Variants in BRF1 observed in about 807,000 individuals in gnomAD.
BRF1 encodes transcription factor IIIB 90 kDa subunit.
Under a neutral mutation model 81.7 loss-of-function variants are expected in BRF1, and 59 were observed. That is an observed-to-expected ratio of 0.72 (90% CI 0.59 to 0.90). BRF1 has a LOEUF of 0.90. BRF1 is among the 40% of genes least tolerant of loss of function. The probability of loss-of-function intolerance (pLI) is 0.00; values close to 1 mark genes in which losing one functional copy is unlikely to be tolerated. For missense variants in BRF1, 1,050 were observed against 936.3 expected (o/e 1.12, Z -1.58); for synonymous variants, 491 against 395.6 (o/e 1.24, Z -2.86).
In BRF1 at chr14:105,307,044, CTTTTTTTCTT is replaced by C. The variant is rs959639505; in HGVS notation, c.-162+8268_-162+8277del. Among the ~76,000 whole-genome samples, 295 of 151,638 alleles carry C rather than the reference CTTTTTTTCTT, an allele frequency of 1.9e-3. 1 individual carries two copies. The highest frequency in any genetic ancestry group is 6.8e-3 in the African/African-American group (282 of 41,358). ...GTATGCCTTATTTACTTTATTTTTT[CTTTTTTTCTT>C]TTTTTTTTGAGGCAGGGTCTCACTC... On this transcript the variant is annotated intron_variant, in intron 1 of 17. Coordinates refer to the BRF1 transcript ENST00000327359.
intron 1 of BRF1, among the ~76,000 whole-genome samples, chr14:105,296,080 CAAAAAAAAA>C (rs58030113): frequency 1.8e-5 from 1 of 56,924 alleles, no homozygotes; most frequent in African/African-American, 6.7e-5. Flanking sequence ...CACTCTATCT[CAAAAAAAAA>C]AAAAAAAAAA....
At chr14:105,264,775 A>G (rs2056326848) in intron 3 of BRF1, among the ~76,000 whole-genome samples, 1 of 151,590 alleles carries the variant, frequency 6.6e-6, no homozygotes, top group South Asian at 2.1e-4. Context: ...TGGGAGGTCA[A>G]GGCTGCAGTG....
chr14:105,296,530 A>G lies in BRF1; in HGVS notation c.184+3916T>C, dbSNP rs147882889. 2.7e-3 allele frequency among the ~76,000 whole-genome samples: 404 copies of G among 151,116 alleles called. 1 individual carries two copies. The highest frequency in any genetic ancestry group is 9.1e-3 in the African/African-American group (373 of 41,148). On this transcript the variant is annotated intron_variant, in intron 1 of 17. Transcript: ENST00000547530. ...GCCGTCTCAAAAAAAAAAACAAAAAACTTAGCTGGGTGCGGTGGCGGGTGC... is the reference window on the plus strand; with the variant it reads ...GCCGTCTCAAAAAAAAAAACAAAAAGCTTAGCTGGGTGCGGTGGCGGGTGC...
Position 105,210,680 on chromosome 14 carries a change from A to T in BRF1, c.1997-92T>A. 1.4e-6 allele frequency: 2 copies of T among 1,421,694 alleles called. No homozygotes were observed. Among genetic ancestry groups the T allele is most frequent in the Admixed American group, 1.9e-5 (1 of 51,594 alleles). The allele number at this position is 1,421,694 out of a possible 1,614,324, so 88.1% of individuals were successfully genotyped here. ...CGCCCTGTTCCTGGTGCCCCCCTAG[A>T]AGACTCAGGCTCCAGCCCCAGCCCC... On this transcript the variant is annotated intron_variant, in intron 17 of 17. Transcript: ENST00000547530. This position sits in a 1 kb window ranked among gnomAD's most constrained non-coding sequence, Gnocchi z 4.7.
chr14:105,215,755 GCACATA>G (rs1366861650), intron 15 of BRF1, among the ~76,000 whole-genome samples: 1 of 93,802 alleles, frequency 1.1e-5, no homozygotes, highest in African/African-American at 4.6e-5. Flanking sequence ...ACAGACACAG[GCACATA>G]CACATGCACA....
intron 6 of BRF1, among the ~76,000 whole-genome samples, chr14:105,240,975 C>T (rs1315469788): frequency 3.3e-5 from 5 of 152,342 alleles, no homozygotes; most frequent in South Asian, 4.1e-4. Context: ...AGACCACGGG[C>T]AGGGATGCCC....
At chr14:105,265,045 CT>C (rs587772604) in intron 3 of BRF1, among the ~76,000 whole-genome samples, 8 of 135,270 alleles carry the variant, frequency 5.9e-5, no homozygotes, top group African/African-American at 1.9e-4. Context: ...TCTACTTATC[CT>C]TTTTTTTGTT....
intron 3 of BRF1, 125 bp from the exon 4 acceptor site, chr14:105,256,674 C>T: frequency 3.5e-6 from 5 of 1,429,312 alleles, no homozygotes; most frequent in Non-Finnish European, 4.7e-6. Flanking sequence ...AATATAAGCT[C>T]CACCTTTGAT....
intron 5 of BRF1, chr14:105,248,643 A>G (rs2055330285): frequency 1.0e-6 from 1 of 976,486 alleles, no homozygotes; most frequent in African/African-American, 1.8e-5. Flanking sequence ...GGGCTCGGGC[A>G]GGGTCGCAGG....
rs1415764640 is a variant in BRF1 at position 105,228,876 on chromosome 14, C to T, written c.732G>A (p.Arg244=). The T allele has an allele frequency of 6.2e-6, 10 of 1,613,758 alleles. No individual in the cohort carries two copies. The highest frequency in any genetic ancestry group is 1.7e-5 in the Admixed American group (1 of 60,008). Residue 244 remains arginine, a synonymous_variant, in exon 7 of 18, where the codon AGG becomes AGA. Transcript: ENST00000547530. ...CCACACTGATGACCTCCTTCACAGT[C>T]CTCCTGAAGTCATGCATTCTGGCTG... ...LVAARMHDFR[R]TVKEVISVVK... is the part of the protein sequence containing the mutation.
chr14:105,247,070 CCT>C, intron 5 of BRF1: 1 of 985,460 alleles, frequency 1.0e-6, no homozygotes, highest in African/African-American at 1.7e-5. Context: ...ATGCCCGTTA[CCT>C]TTTTCTATGG....
rs770032316 is a variant in BRF1, at chr14:105,272,762, G to A, written c.398C>T (p.Ala133Val). ...ACGGCAGACCAGGTAGAGGCAGGCA[G>A]CAATCACGTGGGCCATCTTCCGGCC... The part of the protein sequence containing the change: ...TRGRKMAHVI[A>V]ACLYLVCRTE... The change falls in exon 3 of 18, where the codon GCT becomes GTT. Residue 133 changes from alanine to valine, a missense_variant. Ala to Val is a moderately conservative substitution (Grantham distance 64, BLOSUM62 0). Transcript: ENST00000547530. 1.2e-6 allele frequency: 2 copies of A among 1,613,858 alleles called. No individual in the cohort carries two copies. The highest frequency in any genetic ancestry group is 1.7e-6 in the Non-Finnish European group (2 of 1,179,896).
chr14:105,228,491 C>T (rs1382120174), intron 7 of BRF1, among the ~76,000 whole-genome samples: 1 of 151,766 alleles, frequency 6.6e-6, no homozygotes, highest in Admixed American at 6.6e-5. Flanking sequence ...TTACAGTGAG[C>T]CGAGATCACG....
chr14:105,216,501 G>A (rs1025320632), intron 15 of BRF1, among the ~76,000 whole-genome samples: 2 of 152,168 alleles, frequency 1.3e-5, no homozygotes, highest in South Asian at 2.1e-4. Flanking sequence ...CAGCCCATGC[G>A]GCCCTCCTGA....
intron 17 of BRF1, 59 bp downstream of exon 17, chr14:105,211,063 G>C (rs77413803): frequency 6.3e-7 from 1 of 1,593,512 alleles, no homozygotes; most frequent in Admixed American, 1.7e-5. Context: ...GATCATGAGG[G>C]GCAGTAGCTG....
At chr14:105,296,560 G>C (rs946182476) in intron 1 of BRF1, among the ~76,000 whole-genome samples, 2 of 148,920 alleles carry the variant, frequency 1.3e-5, no homozygotes, top group Non-Finnish European at 3.0e-5. Context: ...GGGTGCCTGT[G>C]ATCCCAGCTA....
rs1188004668 is a variant in BRF1, at chr14:105,252,389, C to T, written c.544+118G>A. ...CTCCTAGCAGCTTTAAGAAACATTTCTTACCTTGAGGGGTCCCATGCTTGG... is the reference window on the plus strand; with the variant it reads ...CTCCTAGCAGCTTTAAGAAACATTTTTTACCTTGAGGGGTCCCATGCTTGG... On this transcript the variant is annotated intron_variant, in intron 5 of 17. Coordinates refer to ENST00000547530, the MANE Select transcript of BRF1 (RefSeq NM_001519.4). The T allele has an allele frequency of 5.5e-6, 8 of 1,450,890 alleles. No individual in the cohort carries two copies. The Admixed American group carries it at 1.7e-4, about 31-fold the overall frequency. 89.9% of individuals were successfully genotyped at this position (1,450,890 alleles called of 1,614,324 possible).
intron 7 of BRF1, among the ~76,000 whole-genome samples, chr14:105,228,584 C>T (rs915980486): frequency 6.6e-6 from 1 of 151,792 alleles, no homozygotes; most frequent in African/African-American, 2.4e-5. Context: ...GAGGAGGATG[C>T]CTCCGCAGGA....
chr14:105,275,544 CA>C (rs2056847556), intron 2 of BRF1, among the ~76,000 whole-genome samples: 1 of 152,356 alleles, frequency 6.6e-6, no homozygotes, highest in East Asian at 1.9e-4. Context: ...AGTCAGCTGA[CA>C]GGGGACCCGC....
Sources: gnomAD v4.1 joint callset for allele counts (sites outside exome capture counted in the v4.1 genomes callset) on GRCh38, gnomAD v4.1.1 for gene constraint, Gnocchi (gnomAD v3.1) non-coding constraint, MANE v1.5 for transcripts, NCBI Gene and HGNC (gene_info 2026-07-23, HGNC 2026-07-21) for gene names.